CDC6: variants seen among roughly 807,000 people sequenced by gnomAD.
CDC6 encodes DNA replication factor CDC6.
In CDC6, 46 loss-of-function variants were observed where a neutral mutation model predicts 60.2. That is an observed-to-expected ratio of 0.76 (90% confidence interval 0.60 to 0.98). The LOEUF (loss-of-function observed/expected upper bound fraction) is 0.98, where lower values mean the gene tolerates loss of function less well. Ranked by LOEUF, CDC6 falls within the 50% of genes least tolerant of loss-of-function variation. The probability of loss-of-function intolerance (pLI) is 0.00; values close to 1 mark genes in which losing one functional copy is unlikely to be tolerated. For synonymous variants in CDC6, 210 were observed against 233.2 expected (o/e 0.90, Z 0.90); for missense variants, 596 against 652.9 (o/e 0.91, Z 0.95).
intron 2 of CDC6, 95 bp from the exon 3 acceptor site, chr17:40,290,963 G>T (rs777272156): frequency 2.3e-6 from 3 of 1,312,784 alleles, no homozygotes; most frequent in Non-Finnish European, 3.3e-6. Flanking sequence ...GACTAAGGTA[G>T]AAATTCACCT....
At chr17:40,301,124 A>G (rs1598519209) in intron 10 of CDC6, 94 bp downstream of exon 10, 1 of 880,844 alleles carries the variant, frequency 1.1e-6, no homozygotes, top group East Asian at 2.4e-5. Flanking sequence ...ACTTCAGCTG[A>G]TAATAAATTT....
At chr17:40,300,414 T>C (rs2032922335) in intron 9 of CDC6, among the ~76,000 whole-genome samples, 1 of 152,132 alleles carries the variant, frequency 6.6e-6, no homozygotes, top group South Asian at 2.1e-4. Flanking sequence ...GGAGGATCAC[T>C]TGAACCCAGG....
At position 40,291,332 on chromosome 17, in the gene CDC6, G is replaced by A. The variant is rs1044172164; in HGVS notation, c.453G>A (p.Lys151=). The part of the protein sequence containing the change: ...KKESACVRLF[K]QEGTCYQQAK... The stretch of plus-strand genomic sequence containing the variant: ...AATCTGCATGTGTGAGACTATTCAA[G>A]CAAGAAGGTTTGTTCTTACATGGCA... Residue 151 remains lysine (K), a synonymous_variant, in exon 3 of 12, where the codon AAG becomes AAA. Transcript: ENST00000209728. The A allele has an allele frequency of 6.2e-7, 1 of 1,614,060 alleles. No homozygotes were observed. Among genetic ancestry groups the A allele is most frequent in the Admixed American group, 1.7e-5 (1 of 60,004 alleles).
chr17:40,296,282 A>G (rs1166076513), intron 8 of CDC6, among the ~76,000 whole-genome samples: 1 of 152,068 alleles, frequency 6.6e-6, no homozygotes, highest in Admixed American at 6.6e-5. Context: ...TTTGGTGTGT[A>G]TGGGTGATGC....
At position 40,302,052 on chromosome 17, in the gene CDC6, TAC is replaced by T. The variant is rs1261659799; in HGVS notation, c.*53_*54del. ...AGTATTCAGCTGGCATTTAGAGAGC[TAC>T]AGTCTTCATTTTAGTGCTTTACACA... On this transcript the variant is annotated 3_prime_UTR_variant, in exon 12 of 12. Coordinates refer to ENST00000209728, the MANE Select transcript of CDC6 (RefSeq NM_001254.4). 2.5e-5 allele frequency: 26 copies of T among 1,054,760 alleles called. No individual in the cohort carries two copies. The Admixed American group carries it at 4.4e-4, about 18-fold the overall frequency. 65.3% of individuals were successfully genotyped at this position (1,054,760 alleles called of 1,614,324 possible). A position where few individuals can be genotyped will look rare whatever the true frequency, so the allele number is the denominator to read the frequency against.
At chr17:40,289,156 C>G (rs1306900154) in intron 1 of CDC6, 1 of 425,590 alleles carries the variant, frequency 2.3e-6, no homozygotes, top group African/African-American at 2.0e-5. Context: ...ATAGTACCTA[C>G]TCCTAAGATC....
chr17:40,301,734 GT>G, intron 11 of CDC6, 126 bp downstream of exon 11: 1 of 1,076,442 alleles, frequency 9.3e-7, no homozygotes, highest in Non-Finnish European at 1.4e-6. Context: ...GTTAGGTAAG[GT>G]TTAAGGTGTG....
At chr17:40,298,246 C>G (rs1392987010) in intron 9 of CDC6, among the ~76,000 whole-genome samples, 1 of 152,050 alleles carries the variant, frequency 6.6e-6, no homozygotes, top group Non-Finnish European at 1.5e-5. Context: ...CAGATTATCC[C>G]CTTTTCCTCC....
chr17:40,301,530 GTGTT>G lies in CDC6; in HGVS notation c.1519_1522del (p.Leu507HisfsTer12), dbSNP rs1433460440. The G allele has an allele frequency of 6.2e-7, 1 of 1,613,856 alleles. No homozygotes were observed. Among genetic ancestry groups the G allele is most frequent in the East Asian group, 2.2e-5 (1 of 44,894 alleles). On this transcript the variant is annotated frameshift_variant, in exon 11 of 12. Coordinates refer to ENST00000209728, the MANE Select transcript of CDC6 (RefSeq NM_001254.4). LOFTEE classifies it high-confidence loss of function. ...AGGTGGCGGCTGTGGACCAGTCAGA[GTGTT>G]TGTCACTTTCAGGGCTCTTGGAAGC...
chr17:40,289,320 A>G, intron 1 of CDC6, 88 bp from the exon 2 acceptor site: 1 of 1,018,190 alleles, frequency 9.8e-7, no homozygotes, highest in Middle Eastern at 2.1e-4. Flanking sequence ...AATAAGTGTT[A>G]ATCATCAGTA....
chr17:40,299,342 G>A (rs1025992873), intron 9 of CDC6, among the ~76,000 whole-genome samples: 2 of 151,228 alleles, frequency 1.3e-5, no homozygotes, highest in Non-Finnish European at 2.9e-5. Context: ...TAGCGATGGG[G>A]GAAACCCATC....
At chr17:40,301,387 A>T (rs2032938223) in intron 10 of CDC6, 81 bp from the exon 11 acceptor site, 1 of 1,431,166 alleles carries the variant, frequency 7.0e-7, no homozygotes, top group Non-Finnish European at 9.9e-7. Context: ...TTGCAAACCC[A>T]GACTCAGGTT....
rs764165057 is a variant in CDC6 at position 40,301,537 on chromosome 17, T to C, written c.1522T>C (p.Ser508Pro). 2 of 1,614,034 alleles carry C rather than the reference T, an allele frequency of 1.2e-6. No individual in the cohort carries two copies. Among genetic ancestry groups the C allele is most frequent in the Middle Eastern group, 1.6e-4 (1 of 6,062 alleles). Residue 508 changes from serine to proline, a missense_variant, in exon 11 of 12, where the codon TCA becomes CCA. Physicochemically the swap from Ser to Pro is moderately conservative, Grantham distance 74. Coordinates refer to ENST00000209728, the MANE Select transcript of CDC6 (RefSeq NM_001254.4). Reference protein sequence around the residue: ...VAAVDQSECLSLSGLLEARGI... With the variant: ...VAAVDQSECLPLSGLLEARGI... ...GGCTGTGGACCAGTCAGAGTGTTTG[T>C]CACTTTCAGGGCTCTTGGAAGCCAG...
chr17:40,290,858 C>T (rs1301609986), intron 2 of CDC6, among the ~76,000 whole-genome samples, 200 bp from the exon 3 acceptor site: 4 of 152,046 alleles, frequency 2.6e-5, no homozygotes, highest in Admixed American at 6.6e-5. Context: ...GTAACTAGAA[C>T]GGTGGATGAA....
chr17:40,300,056 G>A (rs892294150), intron 9 of CDC6, among the ~76,000 whole-genome samples: 2 of 151,690 alleles, frequency 1.3e-5, no homozygotes, highest in Non-Finnish European at 2.9e-5. Context: ...TCTGCCTCCC[G>A]GGTTCAAGTG....
intron 4 of CDC6, among the ~76,000 whole-genome samples, chr17:40,292,020 T>C (rs1420017466): frequency 6.6e-6 from 1 of 152,152 alleles, no homozygotes; most frequent in African/African-American, 2.4e-5. Context: ...GTGTTGGGAT[T>C]ACAGGTGTGA....
intron 7 of CDC6, among the ~76,000 whole-genome samples, chr17:40,295,102 T>A (rs2032839090): frequency 6.6e-6 from 1 of 152,188 alleles, no homozygotes; most frequent in African/African-American, 2.4e-5. Flanking sequence ...CTAAATAGAT[T>A]TTTTATTTTT....
chr17:40,295,852 C>T (rs888020475), intron 8 of CDC6, among the ~76,000 whole-genome samples: 3 of 152,086 alleles, frequency 2.0e-5, no homozygotes, highest in Non-Finnish European at 4.4e-5. Flanking sequence ...ACCCCTTCTT[C>T]CCTTCAGTTG....
At chr17:40,298,196 A>G (rs1567736284) in intron 9 of CDC6, among the ~76,000 whole-genome samples, 1 of 152,196 alleles carries the variant, frequency 6.6e-6, no homozygotes, top group African/African-American at 2.4e-5. Context: ...ATACCAATGT[A>G]TAGACTTAGA....
Sources: allele counts gnomAD v4.1 joint callset (sites outside exome capture counted in the v4.1 genomes callset), GRCh38; gene constraint gnomAD v4.1.1; transcripts MANE v1.5; gene names NCBI Gene and HGNC (gene_info 2026-07-23, HGNC 2026-07-21).